Variants in CSMD1 observed in about 807,000 individuals in gnomAD.
The protein encoded by CSMD1 is CUB and Sushi multiple domains 1.
In CSMD1, 213 loss-of-function variants were observed where a neutral mutation model predicts 417.5. The observed-to-expected ratio is 0.51, with a 90% CI of 0.46 to 0.57. The LOEUF is 0.57. Ranked by LOEUF, CSMD1 falls within the 20% of genes least tolerant of loss-of-function variation. CSMD1 has a pLI of 0.00. For missense variants in CSMD1, 6,923 were observed against 4,529.7 expected (o/e 1.53, Z -15.17); for synonymous variants, 2,862 against 1,736.8 (o/e 1.65, Z -16.11).
At chr8:4,575,953 A>G (rs1799116766) in intron 2 of CSMD1, among the ~76,000 whole-genome samples, 1 of 152,148 alleles carries the variant, frequency 6.6e-6, no homozygotes. Context: ...TCACCAAATC[A>G]AACTCGTAAA....
intron 5 of CSMD1, among the ~76,000 whole-genome samples, chr8:3,835,579 G>C (rs922267848): frequency 2.9e-4 from 44 of 152,196 alleles, no homozygotes; most frequent in Admixed American, 9.8e-4. Flanking sequence ...GGGGAGCGGG[G>C]AGGGATAGCA....
chr8:3,386,024 C>T (rs1216192209), intron 18 of CSMD1, among the ~76,000 whole-genome samples: 2 of 152,120 alleles, frequency 1.3e-5, no homozygotes, highest in Non-Finnish European at 2.9e-5. Flanking sequence ...TTTCCTGCTG[C>T]AATAGTAATT....
intron 19 of CSMD1, 50 bp downstream of exon 19, chr8:3,369,204 T>C: frequency 1.1e-6 from 1 of 892,404 alleles, no homozygotes; most frequent in South Asian, 1.5e-5. Context: ...TTCCCGTTTT[T>C]CTGTCTCATT....
At chr8:4,273,400 C>T (rs796664810) in intron 3 of CSMD1, among the ~76,000 whole-genome samples, 9 of 151,968 alleles carry the variant, frequency 5.9e-5, no homozygotes, top group East Asian at 1.9e-4. Flanking sequence ...ATCAGATAAC[C>T]GGTGCAACCC....
chr8:4,179,794 A>C (rs1349129556), intron 3 of CSMD1, among the ~76,000 whole-genome samples: 1 of 152,200 alleles, frequency 6.6e-6, no homozygotes, highest in Non-Finnish European at 1.5e-5. Flanking sequence ...TCTCAAAAGA[A>C]GACATTTATG....
intron 3 of CSMD1, 63 bp from the exon 4 acceptor site, chr8:4,032,162 A>G (rs1168676133): frequency 3.3e-6 from 4 of 1,212,582 alleles, no homozygotes; most frequent in African/African-American, 1.5e-5. Context: ...AGCCACTTAT[A>G]AGATAAAACA....
At chr8:4,594,009 G>A (rs1184458424) in intron 2 of CSMD1, among the ~76,000 whole-genome samples, 1 of 151,976 alleles carries the variant, frequency 6.6e-6, no homozygotes, top group Non-Finnish European at 1.5e-5. Context: ...CCTTCTGGAG[G>A]TTGTTGGGAA....
At chr8:3,172,501 C>T (rs181382789) in intron 37 of CSMD1, among the ~76,000 whole-genome samples, 111 of 152,270 alleles carry the variant, frequency 7.3e-4, no homozygotes, top group Non-Finnish European at 1.4e-3. Flanking sequence ...TGTGCCCCCA[C>T]CTCAAGAATT....
intron 1 of CSMD1, among the ~76,000 whole-genome samples, chr8:4,747,301 C>T (rs1187265996): frequency 6.6e-6 from 1 of 152,110 alleles, no homozygotes; most frequent in African/African-American, 2.4e-5. Flanking sequence ...CTGAACGGAG[C>T]CTGCTCTTCT....
At chr8:4,358,270 G>T (rs1186801849) in intron 3 of CSMD1, among the ~76,000 whole-genome samples, 1 of 152,180 alleles carries the variant, frequency 6.6e-6, no homozygotes, top group Non-Finnish European at 1.5e-5. Flanking sequence ...TTTACCAGTG[G>T]GTGTGGAGCG....
At chr8:3,269,787 A>G (rs1383909723) in intron 26 of CSMD1, among the ~76,000 whole-genome samples, 2 of 152,226 alleles carry the variant, frequency 1.3e-5, no homozygotes, top group Non-Finnish European at 2.9e-5. Flanking sequence ...TACAATTAAC[A>G]TAATTGCAGT....
intron 1 of CSMD1, among the ~76,000 whole-genome samples, chr8:4,931,390 C>T (rs1391812233): frequency 1.3e-5 from 2 of 152,140 alleles, no homozygotes; most frequent in South Asian, 2.1e-4. Context: ...CTAATACTTC[C>T]TGAGTGACAC....
intron 3 of CSMD1, among the ~76,000 whole-genome samples, chr8:4,141,349 T>C (rs1585405209): frequency 6.6e-6 from 1 of 151,216 alleles, no homozygotes; most frequent in South Asian, 2.1e-4. Flanking sequence ...CAGAGAAGTA[T>C]GCTCATGAAG....
At chr8:2,964,739 G>C (rs1450715242) in intron 59 of CSMD1, among the ~76,000 whole-genome samples, 1 of 152,160 alleles carries the variant, frequency 6.6e-6, no homozygotes, top group Non-Finnish European at 1.5e-5. Context: ...ACAATACAAA[G>C]AAGGGAAGGC....
intron 4 of CSMD1, among the ~76,000 whole-genome samples, chr8:4,012,517 C>G (rs1160816422): frequency 6.6e-6 from 1 of 152,054 alleles, no homozygotes; most frequent in Non-Finnish European, 1.5e-5. Context: ...TATGCATGAT[C>G]CCTACACCCA....
chr8:3,502,351 C>A (rs1169073142), intron 10 of CSMD1, among the ~76,000 whole-genome samples: 1 of 123,918 alleles, frequency 8.1e-6, no homozygotes, highest in South Asian at 2.7e-4. Context: ...GGGGACAGAC[C>A]GAGACTTCAT....
intron 11 of CSMD1, among the ~76,000 whole-genome samples, chr8:3,488,961 A>G (rs1248845508): frequency 5.9e-5 from 9 of 152,196 alleles, no homozygotes; most frequent in Admixed American, 5.9e-4. Context: ...CAATATCTTT[A>G]TATCTTTATT....
At chr8:4,892,990 A>G (rs767790878) in intron 1 of CSMD1, among the ~76,000 whole-genome samples, 10 of 152,126 alleles carry the variant, frequency 6.6e-5, no homozygotes, top group Non-Finnish European at 1.3e-4. Flanking sequence ...ATACGCTTGC[A>G]CGGTGTGATA....
intron 3 of CSMD1, among the ~76,000 whole-genome samples, chr8:4,268,905 C>T (rs17069796): frequency 6.6e-6 from 1 of 152,156 alleles, no homozygotes; most frequent in Non-Finnish European, 1.5e-5. Flanking sequence ...ATCATATACT[C>T]ATCAAGATGC....
Sources: gnomAD v4.1 joint callset for allele counts (sites outside exome capture counted in the v4.1 genomes callset) on GRCh38, gnomAD v4.1.1 for gene constraint, MANE v1.5 for transcripts, NCBI Gene and HGNC (gene_info 2026-07-23, HGNC 2026-07-21) for gene names.